AP3S1: variants seen among roughly 807,000 people sequenced by gnomAD.
AP3S1 encodes the protein adaptor related protein complex 3 subunit sigma 1.
Under a neutral mutation model 21.3 loss-of-function variants are expected in AP3S1, and 12 were observed. That is an observed-to-expected ratio of 0.56 (90% CI 0.36 to 0.91). The LOEUF (loss-of-function observed/expected upper bound fraction) is 0.91, where lower values mean the gene tolerates loss of function less well. AP3S1 is among the 40% of genes least tolerant of loss of function. AP3S1 has a pLI of 0.01. For missense variants in AP3S1, 116 were observed against 225.0 expected, an observed-to-expected ratio of 0.52 and a Z score of 3.10; for synonymous variants, 48 against 78.4, an observed-to-expected ratio of 0.61 and a Z score of 2.05.
rs149851256 is a variant in AP3S1, at chr5:115,877,013, T to C, written c.273+6885T>C. 4.6e-3 allele frequency among the ~76,000 whole-genome samples: 707 copies of C among 152,294 alleles called. 9 individuals carry two copies. Among genetic ancestry groups the C allele is most frequent in the African/African-American group, 0.016 (672 of 41,574 alleles). ...TTTTTATGGGGAATATTTGAGACTA[T>C]GTAAATATACTTTTTCTAGTCATAT... On this transcript the variant is annotated intron_variant, in intron 3 of 5. Coordinates refer to ENST00000316788, the MANE Select transcript of AP3S1 (RefSeq NM_001284.4).
At chr5:115,870,454 A>G (rs1189435458) in intron 3 of AP3S1, among the ~76,000 whole-genome samples, 1 of 152,166 alleles carries the variant, frequency 6.6e-6, no homozygotes, top group East Asian at 1.9e-4. Context: ...AATCTTTCAT[A>G]ATGTCCCTGG....
At chr5:115,909,558 G>T (rs977431270) in intron 5 of AP3S1, among the ~76,000 whole-genome samples, 3 of 151,876 alleles carry the variant, frequency 2.0e-5, no homozygotes, top group African/African-American at 7.3e-5. Flanking sequence ...TAACTGCTTT[G>T]GATTCATATA....
intron 1 of AP3S1, among the ~76,000 whole-genome samples, chr5:115,852,707 A>G (rs1019538995): frequency 6.6e-6 from 1 of 152,178 alleles, no homozygotes; most frequent in African/African-American, 2.4e-5. Flanking sequence ...TATAAATGGA[A>G]TCATGAAATA....
At chr5:115,875,190 T>G (rs1464181809) in intron 3 of AP3S1, among the ~76,000 whole-genome samples, 4 of 152,220 alleles carry the variant, frequency 2.6e-5, no homozygotes, top group Admixed American at 6.5e-5. Context: ...CATTTTTGAA[T>G]CTTTTTATCC....
chr5:115,865,515 G>A (rs955606175), intron 1 of AP3S1, among the ~76,000 whole-genome samples: 1 of 152,128 alleles, frequency 6.6e-6, no homozygotes, highest in Non-Finnish European at 1.5e-5. Flanking sequence ...GAAAGTGCTG[G>A]TTAATAAAAC....
chr5:115,910,303 C>G (rs1751995354), intron 5 of AP3S1, among the ~76,000 whole-genome samples: 1 of 151,000 alleles, frequency 6.6e-6, no homozygotes, highest in South Asian at 2.1e-4. Context: ...GTGATTGAGG[C>G]CTTTCTCTAT....
At chr5:115,861,860 C>CCTT (rs1554065851) in intron 1 of AP3S1, among the ~76,000 whole-genome samples, 102 of 120,074 alleles carry the variant, frequency 8.5e-4, no homozygotes, top group African/African-American at 1.4e-3. Flanking sequence ...ATTTTCTTTT[C>CCTT]TTTTCTTTTT....
At chr5:115,859,902 TG>T (rs1763052802) in intron 1 of AP3S1, among the ~76,000 whole-genome samples, 1 of 152,238 alleles carries the variant, frequency 6.6e-6, no homozygotes, top group Non-Finnish European at 1.5e-5. Flanking sequence ...GTTTTCAGTG[TG>T]GTCCCTGAAT....
chr5:115,892,617 C>T (rs1446612887), intron 3 of AP3S1, among the ~76,000 whole-genome samples: 2 of 151,984 alleles, frequency 1.3e-5, no homozygotes, highest in Non-Finnish European at 2.9e-5. Flanking sequence ...CAGTTGAACT[C>T]ATGGACATAG....
At chr5:115,855,019 A>ATATC (rs34447523) in intron 1 of AP3S1, among the ~76,000 whole-genome samples, 39,595 of 147,408 alleles carry the variant, frequency 0.27, 5,424 homozygotes, top group South Asian at 0.31. Context: ...TATATATTTT[A>ATATC]TATCTATCTA....
intron 2 of AP3S1, among the ~76,000 whole-genome samples, chr5:115,869,294 G>A (rs569121873): frequency 1.1e-3 from 162 of 152,134 alleles, no homozygotes; most frequent in Non-Finnish European, 1.7e-3. Context: ...AGATCTTGAC[G>A]GTAAATCTAT....
intron 1 of AP3S1, among the ~76,000 whole-genome samples, chr5:115,851,164 T>G (rs1762412220): frequency 6.6e-6 from 1 of 152,208 alleles, no homozygotes; most frequent in Non-Finnish European, 1.5e-5. Flanking sequence ...CCAGATCATT[T>G]AAAAGGACTT....
At position 115,887,608 on chromosome 5, in the gene AP3S1, T is replaced by A. The variant is rs901006757; in HGVS notation, c.274-7479T>A. ...TAGCTAATGTATATTGAGTGTTTTC[T>A]TTTGTGAGACATTGTTGTAAGCCCT... On this transcript the variant is annotated intron_variant, in intron 3 of 5. Transcript: ENST00000316788. Among the ~76,000 whole-genome samples the A allele has an allele frequency of 5.3e-5, 8 of 152,286 alleles. No individual in the cohort carries two copies. The South Asian group carries it at 1.0e-3, about 20-fold the overall frequency.
chr5:115,873,764 G>A (rs1291294446), intron 3 of AP3S1, among the ~76,000 whole-genome samples: 1 of 152,042 alleles, frequency 6.6e-6, no homozygotes, highest in Non-Finnish European at 1.5e-5. Flanking sequence ...TTTTTAGAAA[G>A]GCAATTTTAA....
chr5:115,866,589 C>G (rs1763637923), intron 1 of AP3S1, 81 bp from the exon 2 acceptor site: 4 of 941,650 alleles, frequency 4.2e-6, no homozygotes, highest in Non-Finnish European at 6.0e-6. Flanking sequence ...ACAGATATTG[C>G]TACCTTTGAT....
intron 1 of AP3S1, among the ~76,000 whole-genome samples, chr5:115,843,684 T>G (rs1032999029): frequency 3.9e-5 from 6 of 152,254 alleles, no homozygotes; most frequent in African/African-American, 1.4e-4. Flanking sequence ...TTCAAAAAAT[T>G]ATTTTTCCAT....
At chr5:115,911,402 A>G (rs1039075001) in intron 5 of AP3S1, among the ~76,000 whole-genome samples, 1 of 152,004 alleles carries the variant, frequency 6.6e-6, no homozygotes, top group Non-Finnish European at 1.5e-5. Context: ...CACCTTTAAA[A>G]TATTTATACT....
intron 3 of AP3S1, among the ~76,000 whole-genome samples, chr5:115,894,115 T>G (rs956773636): frequency 6.6e-6 from 1 of 152,154 alleles, no homozygotes; most frequent in Non-Finnish European, 1.5e-5. Flanking sequence ...GGATACAGAG[T>G]AAAATCAGCA....
At chr5:115,909,665 AT>A (rs890837581) in intron 5 of AP3S1, among the ~76,000 whole-genome samples, 1 of 152,144 alleles carries the variant, frequency 6.6e-6, no homozygotes, top group Non-Finnish European at 1.5e-5. Context: ...GTAGAATTTC[AT>A]TCTTTTTATT....
Sources: allele counts gnomAD v4.1 joint callset (sites outside exome capture counted in the v4.1 genomes callset), GRCh38; gene constraint gnomAD v4.1.1; transcripts MANE v1.5; gene names NCBI Gene and HGNC (gene_info 2026-07-23, HGNC 2026-07-21).